The following CAMK1D variants were observed in gnomAD, a reference collection of about 807,000 sequenced individuals.
The protein encoded by CAMK1D is calcium/calmodulin dependent protein kinase ID, also known as calcium/calmodulin-dependent protein kinase type 1D.
CAMK1D carries 9 observed loss-of-function variants against 47.7 expected under a neutral mutation model. That is an observed-to-expected ratio of 0.19 (90% CI 0.11 to 0.33). CAMK1D has a LOEUF of 0.33. CAMK1D is among the 10% of genes least tolerant of loss of function. The probability of loss-of-function intolerance (pLI) is 1.00; values close to 1 mark genes in which losing one functional copy is unlikely to be tolerated. For synonymous variants in CAMK1D, 184 were observed against 184.9 expected, an observed-to-expected ratio of 0.99 and a Z score of 0.04; for missense variants, 291 against 488.7, an observed-to-expected ratio of 0.60 and a Z score of 3.81.
chr10:12,486,021 G>T (rs939243842), intron 1 of CAMK1D, among the ~76,000 whole-genome samples: 2 of 152,128 alleles, frequency 1.3e-5, no homozygotes, highest in South Asian at 2.1e-4. Context: ...AGAGAGTCTC[G>T]TCTCCAGCTT....
intron 3 of CAMK1D, among the ~76,000 whole-genome samples, chr10:12,708,960 G>A (rs781494167): frequency 2.0e-5 from 3 of 152,224 alleles, no homozygotes; most frequent in South Asian, 2.1e-4. Flanking sequence ...ATCTCTTAAC[G>A]GCATCCCAGT....
intron 2 of CAMK1D, among the ~76,000 whole-genome samples, chr10:12,602,758 G>T (rs991427682): frequency 1.3e-5 from 2 of 152,018 alleles, no homozygotes; most frequent in East Asian, 1.9e-4. Flanking sequence ...CTGCAGAGAC[G>T]CATGGAGGCC....
rs1176013313 is a variant in CAMK1D at position 12,833,472 on chromosome 10, G to C, written c.*4585G>C. 2 of 152,234 alleles carry C rather than the reference G, an allele frequency of 1.3e-5. No individual in the cohort carries two copies. The highest frequency in any genetic ancestry group is 2.9e-5 in the Non-Finnish European group (2 of 68,066). 9.4% of individuals were successfully genotyped at this position (152,234 alleles called of 1,614,324 possible). On this transcript the variant is annotated 3_prime_UTR_variant, in exon 11 of 11. Transcript: ENST00000619168. The stretch of plus-strand genomic sequence containing the variant: ...CCCAGTGCAGGTAGACTTTATTTTT[G>C]AAAGCATCGTGGCCCCTCACCTCTC...
chr10:12,540,094 CTTTTCT>C (rs2132241221), intron 1 of CAMK1D, among the ~76,000 whole-genome samples: 1 of 146,596 alleles, frequency 6.8e-6, no homozygotes, highest in African/African-American at 2.6e-5. Context: ...TTTCTTTTTT[CTTTTCT>C]TTTTTTTTTG....
At chr10:12,354,115 C>T (rs1348398397) in intron 1 of CAMK1D, among the ~76,000 whole-genome samples, 2 of 152,148 alleles carry the variant, frequency 1.3e-5, no homozygotes, top group African/African-American at 4.8e-5. Context: ...CAACAAACCT[C>T]ATTTCCCCTG....
At chr10:12,550,511 T>C (rs895486265) in intron 1 of CAMK1D, among the ~76,000 whole-genome samples, 1 of 152,200 alleles carries the variant, frequency 6.6e-6, no homozygotes, top group Non-Finnish European at 1.5e-5. Flanking sequence ...AGGGGCCGTC[T>C]CTGGAATTGT....
rs529970088 is a variant in CAMK1D, at chr10:12,830,964, C to CACACACACACACACACACACACAA, written c.*2078_*2079insCACACACACACACACACACACAAA. The CACACACACACACACACACACACAA allele has an allele frequency of 3.1e-4, 28 of 89,722 alleles. 1 individual carries two copies. The highest frequency in any genetic ancestry group is 1.0e-3 in the African/African-American group (26 of 25,324). 5.6% of individuals were successfully genotyped at this position (89,722 alleles called of 1,614,324 possible). A position where few individuals can be genotyped will look rare whatever the true frequency, so the allele number is the denominator to read the frequency against. Reference sequence around the variant, plus strand: ...ACACACACACACACACACACACACACAATGTTATTAGGCACAGCAGCTCCA... The same window carrying CACACACACACACACACACACACAA: ...ACACACACACACACACACACACACACACACACACACACACACACACACAAAATGTTATTAGGCACAGCAGCTCCA... On this transcript the variant is annotated 3_prime_UTR_variant, in exon 11 of 11. Transcript: ENST00000619168.
At chr10:12,827,360 TTC>T (rs1833265436) in intron 10 of CAMK1D, among the ~76,000 whole-genome samples, 1 of 52,632 alleles carries the variant, frequency 1.9e-5, no homozygotes, top group South Asian at 8.2e-4. Flanking sequence ...CTTCCTTTCT[TTC>T]TTTCTCTTTC....
intron 8 of CAMK1D, 66 bp downstream of exon 8, chr10:12,816,394 C>T: frequency 7.8e-7 from 1 of 1,275,778 alleles, no homozygotes; most frequent in East Asian, 2.4e-5. Flanking sequence ...CACGAAACTT[C>T]CTGTTGGCCG....
At chr10:12,534,956 T>G (rs1346751100) in intron 1 of CAMK1D, among the ~76,000 whole-genome samples, 2 of 152,190 alleles carry the variant, frequency 1.3e-5, no homozygotes, top group Non-Finnish European at 2.9e-5. Flanking sequence ...TGGCCACAGA[T>G]AACTGCAAGG....
intron 3 of CAMK1D, among the ~76,000 whole-genome samples, chr10:12,742,346 G>A (rs1308108294): frequency 1.3e-5 from 2 of 151,976 alleles, no homozygotes; most frequent in Non-Finnish European, 2.9e-5. Flanking sequence ...TGTTGTCCAG[G>A]CTGGTTTCCA....
chr10:12,695,669 T>C (rs1833261730), intron 3 of CAMK1D, among the ~76,000 whole-genome samples: 1 of 152,168 alleles, frequency 6.6e-6, no homozygotes, highest in African/African-American at 2.4e-5. Flanking sequence ...CTGTCTCCTT[T>C]TTGTTACTAA....
chr10:12,361,571 A>ATTTTT (rs1837665470), intron 1 of CAMK1D, among the ~76,000 whole-genome samples: 1 of 33,422 alleles, frequency 3.0e-5, no homozygotes, highest in African/African-American at 1.1e-4. Flanking sequence ...TTTTTTTTTA[A>ATTTTT]TTGAGATGGA....
intron 1 of CAMK1D, among the ~76,000 whole-genome samples, chr10:12,436,514 C>T (rs1011699707): frequency 2.0e-5 from 3 of 152,192 alleles, no homozygotes; most frequent in African/African-American, 7.2e-5. Flanking sequence ...CAACTTTTGA[C>T]TTCTGTGGGG....
At chr10:12,819,461 T>C (rs1446766101) in intron 8 of CAMK1D, among the ~76,000 whole-genome samples, 1 of 152,238 alleles carries the variant, frequency 6.6e-6, no homozygotes, top group Non-Finnish European at 1.5e-5. Context: ...TCTTAAGTCC[T>C]GGCTTCACCA....
chr10:12,818,638 T>C (rs1356948485), intron 8 of CAMK1D, among the ~76,000 whole-genome samples: 1 of 150,036 alleles, frequency 6.7e-6, no homozygotes, highest in Non-Finnish European at 1.5e-5. Context: ...GCCACTGCAC[T>C]CCAGCCTGGG....
intron 1 of CAMK1D, among the ~76,000 whole-genome samples, chr10:12,494,473 C>A (rs1834476984): frequency 6.6e-6 from 1 of 152,204 alleles, no homozygotes; most frequent in Non-Finnish European, 1.5e-5. Context: ...GAAGATAAAT[C>A]TGATGTCCCC....
intron 2 of CAMK1D, among the ~76,000 whole-genome samples, chr10:12,586,764 A>G (rs1383993481): frequency 6.6e-6 from 1 of 152,228 alleles, no homozygotes; most frequent in Admixed American, 6.5e-5. Flanking sequence ...ACTTAAAATC[A>G]TAAAAAATAC....
At chr10:12,571,834 A>G (rs1837337983) in intron 2 of CAMK1D, among the ~76,000 whole-genome samples, 3 of 152,186 alleles carry the variant, frequency 2.0e-5, no homozygotes, top group Admixed American at 6.6e-5. Context: ...TTTTAGGGGC[A>G]TCAAATTGTA....
Sources: gnomAD v4.1 joint callset for allele counts (sites outside exome capture counted in the v4.1 genomes callset) on GRCh38, gnomAD v4.1.1 for gene constraint, MANE v1.5 for transcripts, NCBI Gene and HGNC (gene_info 2026-07-23, HGNC 2026-07-21) for gene names.